The following FMN2 variants were observed in gnomAD, a reference collection of about 807,000 sequenced individuals.
FMN2 encodes the protein formin 2, also known as formin-2.
In FMN2, 51 loss-of-function variants were observed where a neutral mutation model predicts 142.3. The ratio of observed to expected loss-of-function variants is 0.36; its 90% CI spans 0.29 to 0.45. The LOEUF is 0.45. Among genes scored for constraint, FMN2 ranks in the 20% least tolerant of loss-of-function variants. The pLI is 1.00. For synonymous variants in FMN2, 882 were observed against 869.8 expected, an observed-to-expected ratio of 1.01 and a Z score of -0.25; for missense variants, 1,936 against 2,122.8, an observed-to-expected ratio of 0.91 and a Z score of 1.73.
chr1:240,096,811 C>T (rs1413596565), intron 1 of FMN2, among the ~76,000 whole-genome samples: 1 of 152,214 alleles, frequency 6.6e-6, no homozygotes, highest in African/African-American at 2.4e-5. Context: ...TTCTATGGCA[C>T]ATGTCTGTGT....
chr1:240,309,662 T>C (rs1041378500), intron 8 of FMN2, among the ~76,000 whole-genome samples: 1 of 151,874 alleles, frequency 6.6e-6, no homozygotes, highest in Non-Finnish European at 1.5e-5. Flanking sequence ...CATACCAGAG[T>C]CAGGAAGAGG....
chr1:240,170,988 G>A (rs967157402), intron 2 of FMN2: 1 of 805,346 alleles, frequency 1.2e-6, no homozygotes, highest in Non-Finnish European at 2.2e-6. Context: ...GGAATGTCAA[G>A]GTCGTGAGAG....
At chr1:240,246,371 G>A (rs1429389634) in intron 6 of FMN2, among the ~76,000 whole-genome samples, 2 of 152,026 alleles carry the variant, frequency 1.3e-5, no homozygotes, top group African/African-American at 2.4e-5. Context: ...GAGGTGGGAG[G>A]GATCACTTGA....
At chr1:240,171,895 T>TTGTA in intron 2 of FMN2, among the ~76,000 whole-genome samples, 1 of 152,046 alleles carries the variant, frequency 6.6e-6, no homozygotes, top group East Asian at 1.9e-4. Flanking sequence ...GGTAGAAAGT[T>TTGTA]TGTTTTCTTT....
chr1:240,108,459 ACAT>A (rs968113231), intron 1 of FMN2, among the ~76,000 whole-genome samples: 4 of 152,168 alleles, frequency 2.6e-5, no homozygotes, highest in African/African-American at 9.7e-5. Flanking sequence ...GTATTCAGTG[ACAT>A]CATAAACTTA....
At chr1:240,099,404 G>A (rs569495072) in intron 1 of FMN2, among the ~76,000 whole-genome samples, 1 of 151,532 alleles carries the variant, frequency 6.6e-6, no homozygotes, top group African/African-American at 2.4e-5. Flanking sequence ...ATTCTGTGGT[G>A]GGGGGTTGGA....
intron 7 of FMN2, among the ~76,000 whole-genome samples, chr1:240,287,520 AC>A (rs1214707542): frequency 6.6e-6 from 1 of 151,994 alleles, no homozygotes; most frequent in Non-Finnish European, 1.5e-5. Context: ...ATGTACTTTA[AC>A]CCAAATTAGT....
intron 6 of FMN2, among the ~76,000 whole-genome samples, chr1:240,254,445 G>T (rs1668383603): frequency 6.6e-6 from 1 of 152,118 alleles, no homozygotes; most frequent in Admixed American, 6.6e-5. Context: ...TGGGCTCTGG[G>T]GGAGTGGGAT....
intron 15 of FMN2, among the ~76,000 whole-genome samples, chr1:240,396,966 C>T (rs1673800967): frequency 6.6e-6 from 1 of 152,096 alleles, no homozygotes; most frequent in African/African-American, 2.4e-5. Context: ...GGGTGTATAT[C>T]CAGTAGTGGG....
intron 8 of FMN2, among the ~76,000 whole-genome samples, chr1:240,303,656 A>T (rs1289092639): frequency 6.6e-6 from 1 of 152,158 alleles, no homozygotes; most frequent in Admixed American, 6.5e-5. Context: ...TTGGATTAAC[A>T]TCATTTTGAG....
intron 4 of FMN2, among the ~76,000 whole-genome samples, chr1:240,189,473 T>C (rs1354447690): frequency 6.6e-6 from 1 of 152,216 alleles, no homozygotes; most frequent in African/African-American, 2.4e-5. Flanking sequence ...TAAAATTAAA[T>C]TATTGCTGAT....
At chr1:240,361,502 G>A (rs1443633163) in intron 14 of FMN2, among the ~76,000 whole-genome samples, 1 of 152,168 alleles carries the variant, frequency 6.6e-6, no homozygotes, top group Non-Finnish European at 1.5e-5. Context: ...GAGAATAGCA[G>A]TGATGGTACT....
chr1:240,159,890 T>C (rs1259081961), intron 2 of FMN2, among the ~76,000 whole-genome samples: 1 of 134,518 alleles, frequency 7.4e-6, no homozygotes. Flanking sequence ...TGGAGAGATA[T>C]ATATATATAT....
At chr1:240,335,637 G>A (rs545488218) in intron 13 of FMN2, among the ~76,000 whole-genome samples, 4 of 152,168 alleles carry the variant, frequency 2.6e-5, no homozygotes, top group Non-Finnish European at 4.4e-5. Flanking sequence ...TGATAAAGGA[G>A]CGGAATGGGT....
intron 15 of FMN2, among the ~76,000 whole-genome samples, chr1:240,419,966 C>T (rs564662449): frequency 2.4e-4 from 37 of 152,256 alleles, no homozygotes; most frequent in South Asian, 1.0e-3. Context: ...CTCCACAATC[C>T]GCTGAGAGTC....
At chr1:240,262,417 T>C (rs1668661533) in intron 7 of FMN2, among the ~76,000 whole-genome samples, 1 of 152,190 alleles carries the variant, frequency 6.6e-6, no homozygotes, top group African/African-American at 2.4e-5. Context: ...TTGTTGTTAG[T>C]GGGGGGATTG....
intron 2 of FMN2, chr1:240,170,314 G>T (rs1280366223): frequency 3.7e-6 from 4 of 1,081,838 alleles, no homozygotes; most frequent in East Asian, 2.4e-5. Context: ...CCATACCAAT[G>T]CCTATACCCT....
intron 6 of FMN2, among the ~76,000 whole-genome samples, chr1:240,228,327 A>AAG (rs1667403928): frequency 3.8e-5 from 3 of 78,378 alleles, no homozygotes; most frequent in Non-Finnish European, 4.6e-5. Flanking sequence ...AAAAAAAAAA[A>AAG]AAAAAGAAAA....
At chr1:240,379,330 A>C (rs1473848488) in intron 14 of FMN2, among the ~76,000 whole-genome samples, 2 of 152,130 alleles carry the variant, frequency 1.3e-5, no homozygotes, top group Admixed American at 1.3e-4. Flanking sequence ...TGTTAAGCTT[A>C]TATTTTCTTG....
Sources: allele counts gnomAD v4.1 joint callset (sites outside exome capture counted in the v4.1 genomes callset), GRCh38; gene constraint gnomAD v4.1.1; transcripts MANE v1.5; gene names NCBI Gene and HGNC (gene_info 2026-07-23, HGNC 2026-07-21).